The following ATP6V1E1 variants were observed in gnomAD, a reference collection of about 807,000 sequenced individuals.
ATP6V1E1 encodes the protein ATPase H+ transporting V1 subunit E1, also known as V-type proton ATPase subunit E 1.
ATP6V1E1 carries 21 observed loss-of-function variants against 35.2 expected under a neutral mutation model. The ratio of observed to expected loss-of-function variants is 0.60; its 90% confidence interval spans 0.42 to 0.86. The LOEUF is 0.86. ATP6V1E1 is among the 40% of genes least tolerant of loss of function. The probability of loss-of-function intolerance (pLI) is 0.00; values close to 1 mark genes in which losing one functional copy is unlikely to be tolerated. For synonymous variants in ATP6V1E1, 83 were observed against 87.8 expected (o/e 0.95, Z 0.30); for missense variants, 183 against 272.6 (o/e 0.67, Z 2.32).
intron 4 of ATP6V1E1, 91 bp downstream of exon 4, chr22:17,612,721 C>G: frequency 9.7e-7 from 1 of 1,032,666 alleles, no homozygotes; most frequent in Non-Finnish European, 1.4e-6. Flanking sequence ...ATTATTCAAT[C>G]AACTCCTTAA....
chr22:17,625,899 A>G (rs1297595872), intron 1 of ATP6V1E1, among the ~76,000 whole-genome samples: 2 of 151,834 alleles, frequency 1.3e-5, no homozygotes, highest in African/African-American at 4.8e-5. Context: ...AGGACTGATT[A>G]CACTTTGAAA....
At position 17,594,601 on chromosome 22, in the gene ATP6V1E1, C is replaced by T; in HGVS notation, c.546G>A (p.Glu182=). 1 of 1,577,048 alleles carries T rather than the reference C, an allele frequency of 6.3e-7. No homozygotes were observed. The highest frequency in any genetic ancestry group is 8.6e-7 in the Non-Finnish European group (1 of 1,165,402). ...TTATTTTACGATCTCCATTATAGAT[C>T]TCAACTCCACCAGCTCTGCAAAAAA... The part of the protein sequence containing the change: ...YLPEDIAGGV[E]IYNGDRKIKV... The change falls in exon 8 of 9, where the codon GAG becomes GAA. Residue 182 remains glutamate, a synonymous_variant. Coordinates refer to ENST00000253413, the MANE Select transcript of ATP6V1E1 (RefSeq NM_001696.4).
At chr22:17,605,313 C>T (rs966236392) in intron 4 of ATP6V1E1, among the ~76,000 whole-genome samples, 3 of 151,902 alleles carry the variant, frequency 2.0e-5, no homozygotes, top group African/African-American at 7.3e-5. Flanking sequence ...GGCAGATCAC[C>T]TGAGGTCGGG....
At chr22:17,617,831 A>T (rs905392762) in intron 2 of ATP6V1E1, among the ~76,000 whole-genome samples, 1 of 152,066 alleles carries the variant, frequency 6.6e-6, no homozygotes, top group African/African-American at 2.4e-5. Flanking sequence ...ATTTTTTGAG[A>T]CAAGGTCTCA....
At chr22:17,599,416 G>T (rs1416156029) in intron 6 of ATP6V1E1, among the ~76,000 whole-genome samples, 1 of 145,356 alleles carries the variant, frequency 6.9e-6, no homozygotes, top group Non-Finnish European at 1.5e-5. Context: ...CTCTACTAAA[G>T]ATACAAAAAA....
chr22:17,609,464 C>CT (rs61116267), intron 4 of ATP6V1E1, among the ~76,000 whole-genome samples: 9,902 of 90,568 alleles, frequency 0.11, 1,349 homozygotes, highest in African/African-American at 0.15. Flanking sequence ...CCATCCTGCT[C>CT]TTTTTTTTTT....
intron 1 of ATP6V1E1, among the ~76,000 whole-genome samples, chr22:17,625,736 C>T (rs1369557043): frequency 1.3e-5 from 2 of 152,092 alleles, no homozygotes; most frequent in Non-Finnish European, 1.5e-5. Context: ...AAAAATCTAT[C>T]GGCAATATGA....
intron 3 of ATP6V1E1, 49 bp from the exon 4 acceptor site, chr22:17,612,927 G>C: frequency 2.6e-6 from 4 of 1,537,236 alleles, no homozygotes; most frequent in Non-Finnish European, 3.5e-6. Context: ...TAAAACTGTA[G>C]AGAAAGAATT....
chr22:17,618,982 G>A (rs1191568178), intron 2 of ATP6V1E1: 5 of 452,680 alleles, frequency 1.1e-5, no homozygotes, highest in East Asian at 7.0e-5. Flanking sequence ...TCCCAGTGAC[G>A]AAGCGAGACT....
chr22:17,618,681 CAAA>C (rs796136446), intron 2 of ATP6V1E1, among the ~76,000 whole-genome samples: 1 of 72,388 alleles, frequency 1.4e-5, no homozygotes, highest in Non-Finnish European at 3.2e-5. Flanking sequence ...GACTCCATCT[CAAA>C]AAAAAAAAAA....
chr22:17,604,733 G>A lies in ATP6V1E1; in HGVS notation c.277-3552C>T, dbSNP rs556881733. On this transcript the variant is annotated intron_variant, in intron 4 of 8. Transcript: ENST00000253413. ...AGGGCTTCACCATGTTGATCAGGCTGGTCTCGAACCCCGGACCTCATGATC... is the reference window on the plus strand; with the variant it reads ...AGGGCTTCACCATGTTGATCAGGCTAGTCTCGAACCCCGGACCTCATGATC... Among the ~76,000 whole-genome samples the A allele has an allele frequency of 1.3e-3, 202 of 151,878 alleles. 1 individual carries two copies. The highest frequency in any genetic ancestry group is 4.5e-3 in the African/African-American group (186 of 41,416).
intron 1 of ATP6V1E1, among the ~76,000 whole-genome samples, chr22:17,628,324 T>C (rs770562346): frequency 1.3e-5 from 2 of 152,170 alleles, no homozygotes; most frequent in South Asian, 2.1e-4. Flanking sequence ...GTGAATACCC[T>C]TGGAAAACAG....
chr22:17,613,425 A>AAC, intron 2 of ATP6V1E1, 105 bp from the exon 3 acceptor site: 1 of 809,016 alleles, frequency 1.2e-6, no homozygotes, highest in Non-Finnish European at 2.0e-6. Context: ...AATTTCATAT[A>AAC]TAAAACAGAA....
chr22:17,595,621 G>C (rs1467745900), intron 7 of ATP6V1E1, among the ~76,000 whole-genome samples: 1 of 151,922 alleles, frequency 6.6e-6, no homozygotes, highest in Non-Finnish European at 1.5e-5. Context: ...TCAAGTTTGA[G>C]GCCAGCCTGG....
rs1017212812 is a variant in ATP6V1E1, at chr22:17,592,337, C to T, written c.*337G>A. On this transcript the variant is annotated 3_prime_UTR_variant, in exon 9 of 9. Transcript: ENST00000253413. ...AGCCTCAAGAGTGGGGACTGCAGGG[C>T]CAAACACCAAATACATCACCTTTAG... The T allele has an allele frequency of 3.4e-6, 1 of 292,250 alleles. No individual in the cohort carries two copies. Among genetic ancestry groups the T allele is most frequent in the Non-Finnish European group, 6.6e-6 (1 of 152,592 alleles). 18.1% of individuals were successfully genotyped at this position (292,250 alleles called of 1,614,324 possible). A position where few individuals can be genotyped will look rare whatever the true frequency, so the allele number is the denominator to read the frequency against.
chr22:17,594,337 C>G (rs1015725045), intron 8 of ATP6V1E1, among the ~76,000 whole-genome samples, 192 bp downstream of exon 8: 1 of 152,140 alleles, frequency 6.6e-6, no homozygotes, highest in African/African-American at 2.4e-5. Flanking sequence ...TGTTCTGACC[C>G]CAAATTCACC....
intron 7 of ATP6V1E1, 104 bp downstream of exon 7, chr22:17,598,090 A>G (rs574555980): frequency 2.3e-6 from 2 of 867,206 alleles, no homozygotes; most frequent in Admixed American, 2.0e-5. Context: ...CCTTGTGTCT[A>G]AGAGTGCGTT....
chr22:17,599,647 C>T (rs570787328), intron 6 of ATP6V1E1, among the ~76,000 whole-genome samples: 3 of 149,300 alleles, frequency 2.0e-5, no homozygotes, highest in East Asian at 4.0e-4. Context: ...CGGCCAGGCG[C>T]GGTGGCTCAT....
At chr22:17,624,712 T>C (rs916948660) in intron 1 of ATP6V1E1, among the ~76,000 whole-genome samples, 5 of 151,848 alleles carry the variant, frequency 3.3e-5, no homozygotes, top group African/African-American at 1.2e-4. Context: ...TCCCAGCTAC[T>C]GGAGAGGCTG....
Sources: gnomAD v4.1 joint callset for allele counts (sites outside exome capture counted in the v4.1 genomes callset) on GRCh38, gnomAD v4.1.1 for gene constraint, MANE v1.5 for transcripts, NCBI Gene and HGNC (gene_info 2026-07-23, HGNC 2026-07-21) for gene names.